DMD: variants seen among roughly 807,000 people sequenced by gnomAD.
The protein encoded by DMD is dystrophin, also known as mutant dystrophin.
Under a neutral mutation model 330.1 loss-of-function variants are expected in DMD, and 63 were observed. The ratio of observed to expected loss-of-function variants is 0.19; its 90% CI spans 0.16 to 0.24. DMD has a LOEUF of 0.24. Ranked by LOEUF, DMD falls within the 10% of genes least tolerant of loss-of-function variation. The pLI is 1.00. For synonymous variants in DMD, 1,223 were observed against 959.8 expected (o/e 1.27, Z -5.07); for missense variants, 3,344 against 2,684.1 (o/e 1.25, Z -5.43).
At chrX:32,650,637 A>G (rs2060088315) in intron 9 of DMD, among the ~76,000 whole-genome samples, 1 of 112,217 alleles carries the variant, frequency 8.9e-6, no homozygotes, top group South Asian at 3.7e-4. Context: ...GAAGTGATTT[A>G]TGAGAAATTA....
At chrX:31,384,354 TA>T (rs2060347258) in intron 60 of DMD, among the ~76,000 whole-genome samples, 1 of 96,413 alleles carries the variant, frequency 1.0e-5, no homozygotes, top group East Asian at 3.6e-4. Context: ...CTACTACTAC[TA>T]CTACTACTTT....
At chrX:32,790,890 C>G (rs2075767509) in intron 7 of DMD, among the ~76,000 whole-genome samples, 1 of 111,354 alleles carries the variant, frequency 9.0e-6, no homozygotes, top group Non-Finnish European at 1.9e-5. Flanking sequence ...GCACAAGGGA[C>G]CTGGGGAGCA....
chrX:32,160,539 T>C (rs768064692), intron 44 of DMD, among the ~76,000 whole-genome samples: 186 of 110,231 alleles, frequency 1.7e-3, no homozygotes, highest in Middle Eastern at 4.6e-3. Context: ...CCCACCTGCT[T>C]GCAAACTTTC....
chrX:31,433,832 G>A (rs760526989), intron 60 of DMD, among the ~76,000 whole-genome samples: 5 of 107,479 alleles, frequency 4.7e-5, no homozygotes, highest in South Asian at 4.0e-4. Context: ...TTAGATGTAA[G>A]TACTACGTCT....
At chrX:32,522,207 T>C (rs1448780539) in intron 17 of DMD, among the ~76,000 whole-genome samples, 2 of 112,043 alleles carry the variant, frequency 1.8e-5, no homozygotes, top group Non-Finnish European at 3.8e-5. Flanking sequence ...CTCCTGAATA[T>C]GTATGCTTCT....
intron 4 of DMD, among the ~76,000 whole-genome samples, chrX:32,827,069 A>ACG: frequency 1.3e-5 from 1 of 76,569 alleles, no homozygotes; most frequent in African/African-American, 6.0e-5. Flanking sequence ...CCCCCCCCAC[A>ACG]CACACACACA....
At chrX:32,128,541 C>T (rs2096672543) in intron 44 of DMD, among the ~76,000 whole-genome samples, 1 of 111,890 alleles carries the variant, frequency 8.9e-6, no homozygotes, top group African/African-American at 3.2e-5. Flanking sequence ...TACCAATTCC[C>T]TAAACATAGC....
chrX:31,141,264 G>C (rs762664940), intron 76 of DMD, among the ~76,000 whole-genome samples: 1 of 112,256 alleles, frequency 8.9e-6, no homozygotes, highest in African/African-American at 3.2e-5. Flanking sequence ...GCATGATTAA[G>C]TTCCAAAAGA....
rs16990888 is a variant in DMD at position 33,097,191 on chromosome X, G to C, written c.32-76991C>G. The stretch of plus-strand genomic sequence containing the variant: ...CTTTTATCACCTCAGAGATATGCTA[G>C]GAAAATACTGTATTTTTTAAGAATC... On this transcript the variant is annotated intron_variant, in intron 1 of 78. Transcript: ENST00000357033. Among the ~76,000 whole-genome samples, 522 of 110,384 alleles carry C rather than the reference G, an allele frequency of 4.7e-3. 4 individuals carry two copies. The highest frequency in any genetic ancestry group is 0.015 in the African/African-American group (457 of 30,401).
chrX:32,189,384 A>C (rs948155274), intron 44 of DMD, among the ~76,000 whole-genome samples: 5 of 108,754 alleles, frequency 4.6e-5, no homozygotes, highest in Non-Finnish European at 9.6e-5. Context: ...AAAAAAAAAA[A>C]CAACTTTGTT....
chrX:32,113,894 A>C (rs2096599109), intron 44 of DMD, among the ~76,000 whole-genome samples: 1 of 111,670 alleles, frequency 9.0e-6, no homozygotes, highest in Non-Finnish European at 1.9e-5. Context: ...AATCCAAATA[A>C]AACAATAGAA....
At chrX:31,577,853 GT>G (rs1412242787) in intron 55 of DMD, among the ~76,000 whole-genome samples, 1 of 111,392 alleles carries the variant, frequency 9.0e-6, no homozygotes, top group East Asian at 2.8e-4. Context: ...CAATGTGAGA[GT>G]TACAACTTAT....
At chrX:31,687,979 A>T (rs1192832508) in intron 52 of DMD, among the ~76,000 whole-genome samples, 2 of 110,388 alleles carry the variant, frequency 1.8e-5, no homozygotes, top group Admixed American at 2.0e-4. Context: ...TTCTATCCCT[A>T]TCTCTTTCTC....
intron 57 of DMD, among the ~76,000 whole-genome samples, chrX:31,482,252 T>G (rs1176249093): frequency 1.1e-5 from 1 of 94,622 alleles, no homozygotes; most frequent in African/African-American, 4.2e-5. Flanking sequence ...GGGTGTTCTG[T>G]GCATGGGGGA....
chrX:31,306,263 C>A (rs1318770072), intron 62 of DMD, among the ~76,000 whole-genome samples: 1 of 111,032 alleles, frequency 9.0e-6, no homozygotes, highest in African/African-American at 3.3e-5. Context: ...GTTTATATAT[C>A]TTCTGGTTGG....
intron 57 of DMD, among the ~76,000 whole-genome samples, chrX:31,495,315 A>G (rs1453888485): frequency 9.0e-6 from 1 of 111,435 alleles, no homozygotes; most frequent in African/African-American, 3.3e-5. Context: ...CTCAACATAC[A>G]AAAGTGGTAC....
chrX:32,632,186 G>C (rs1275085103), intron 11 of DMD, among the ~76,000 whole-genome samples: 1 of 112,192 alleles, frequency 8.9e-6, no homozygotes, highest in Non-Finnish European at 1.9e-5. Flanking sequence ...CAGCAGGGTA[G>C]TCATTAAATC....
At chrX:32,218,824 T>C in intron 43 of DMD, among the ~76,000 whole-genome samples, 1 of 111,732 alleles carries the variant, frequency 8.9e-6, no homozygotes, top group Admixed American at 9.6e-5. Context: ...AACCCAAATA[T>C]CTCTTGTTTC....
At chrX:31,388,657 T>C (rs760190779) in intron 60 of DMD, among the ~76,000 whole-genome samples, 463 of 111,897 alleles carry the variant, frequency 4.1e-3, no homozygotes, top group Non-Finnish European at 6.8e-3. Flanking sequence ...ATCCCAGCAC[T>C]TTAGGAGGCC....
Sources: allele counts gnomAD v4.1 joint callset (sites outside exome capture counted in the v4.1 genomes callset), GRCh38; gene constraint gnomAD v4.1.1; transcripts MANE v1.5; gene names NCBI Gene and HGNC (gene_info 2026-07-23, HGNC 2026-07-21).